The following RBFOX1 variants were observed in gnomAD, a reference collection of about 807,000 sequenced individuals.
RBFOX1 encodes the protein RNA binding fox-1 homolog 1, also known as RNA binding protein fox-1 homolog 1.
A neutral mutation model predicts 57.7 loss-of-function variants in RBFOX1; 8 were observed. The observed-to-expected ratio is 0.14, with a 90% CI of 0.08 to 0.25. RBFOX1 has a LOEUF of 0.25. Among genes scored for constraint, RBFOX1 ranks in the 10% least tolerant of loss-of-function variants. RBFOX1 has a pLI of 1.00. For missense variants in RBFOX1, 611 were observed against 548.5 expected (o/e 1.11, Z -1.14); for synonymous variants, 326 against 222.4 (o/e 1.47, Z -4.15).
At chr16:6,500,631 A>G (rs1028918167) in intron 2 of RBFOX1, among the ~76,000 whole-genome samples, 6 of 152,292 alleles carry the variant, frequency 3.9e-5, no homozygotes, top group African/African-American at 1.2e-4. Context: ...AGGCAATTGA[A>G]GTACATGGAC....
At chr16:6,581,279 A>C (rs899675335) in intron 2 of RBFOX1, among the ~76,000 whole-genome samples, 4 of 152,182 alleles carry the variant, frequency 2.6e-5, no homozygotes, top group South Asian at 2.1e-4. Context: ...TCTCCTGCAC[A>C]GGGTTCTGTG....
At chr16:6,159,898 C>A (rs538528449) in intron 1 of RBFOX1, among the ~76,000 whole-genome samples, 45 of 152,108 alleles carry the variant, frequency 3.0e-4, no homozygotes, top group Non-Finnish European at 5.4e-4. Context: ...TAAATTTGTG[C>A]TGCTCTTTTC....
At chr16:7,545,782 C>G (rs976434403) in intron 5 of RBFOX1, among the ~76,000 whole-genome samples, 1 of 152,092 alleles carries the variant, frequency 6.6e-6, no homozygotes, top group Non-Finnish European at 1.5e-5. Context: ...AAAACGTGGT[C>G]TTGGGTCTCA....
chr16:6,251,298 A>G (rs572226382), intron 1 of RBFOX1, among the ~76,000 whole-genome samples: 7 of 152,226 alleles, frequency 4.6e-5, no homozygotes, highest in Admixed American at 3.9e-4. Flanking sequence ...AGCACCCTTG[A>G]TATTAAACTG....
chr16:5,263,042 G>C (rs1234174216), intron 1 of RBFOX1, among the ~76,000 whole-genome samples: 1 of 151,810 alleles, frequency 6.6e-6, no homozygotes, highest in Non-Finnish European at 1.5e-5. Context: ...CTCCACTGAA[G>C]AGACGGTTTT....
At chr16:6,253,738 G>A (rs1188623801) in intron 1 of RBFOX1, among the ~76,000 whole-genome samples, 2 of 150,478 alleles carry the variant, frequency 1.3e-5, no homozygotes, top group Admixed American at 6.7e-5. Context: ...ATATATACCT[G>A]TATCCATATC....
chr16:6,813,303 A>G (rs1188693932), intron 3 of RBFOX1, among the ~76,000 whole-genome samples: 2 of 152,040 alleles, frequency 1.3e-5, no homozygotes, highest in African/African-American at 2.4e-5. Context: ...CCATGAAACA[A>G]CCCTCTTCGT....
intron 2 of RBFOX1, among the ~76,000 whole-genome samples, chr16:6,469,141 G>A (rs149788597): frequency 3.9e-5 from 6 of 152,164 alleles, no homozygotes; most frequent in African/African-American, 1.4e-4. Flanking sequence ...TTGGAGTTCT[G>A]TCAAAAGAAT....
chr16:7,142,618 C>T (rs922002340), intron 4 of RBFOX1, among the ~76,000 whole-genome samples: 1 of 152,140 alleles, frequency 6.6e-6, no homozygotes, highest in African/African-American at 2.4e-5. Context: ...TACTCATCTT[C>T]TGGACTGTCA....
At chr16:6,671,646 C>T (rs1328483879) in intron 3 of RBFOX1, among the ~76,000 whole-genome samples, 3 of 152,136 alleles carry the variant, frequency 2.0e-5, no homozygotes, top group African/African-American at 4.8e-5. Flanking sequence ...CCCCAAAGTC[C>T]GTTCTATCAT....
chr16:6,050,375 T>C (rs1003986929), intron 1 of RBFOX1, among the ~76,000 whole-genome samples: 23 of 152,234 alleles, frequency 1.5e-4, no homozygotes, highest in African/African-American at 5.5e-4. Context: ...TGTCCTGCAG[T>C]ATTTCTCACA....
At chr16:5,470,342 T>G (rs2069092806) in intron 2 of RBFOX1, among the ~76,000 whole-genome samples, 2 of 152,220 alleles carry the variant, frequency 1.3e-5, no homozygotes, top group Admixed American at 1.3e-4. Flanking sequence ...TGTCTATTCC[T>G]GGTCCCTGGT....
chr16:6,808,056 A>G (rs2087351375), intron 3 of RBFOX1, among the ~76,000 whole-genome samples: 2 of 150,688 alleles, frequency 1.3e-5, no homozygotes. Flanking sequence ...ACTATCCTAT[A>G]CAATAGAACT....
chr16:6,918,149 A>G (rs1423774761), intron 3 of RBFOX1, among the ~76,000 whole-genome samples: 2 of 151,932 alleles, frequency 1.3e-5, no homozygotes, highest in Admixed American at 6.6e-5. Flanking sequence ...TTAGCTGGGT[A>G]TGCTAGCCTG....
intron 1 of RBFOX1, among the ~76,000 whole-genome samples, chr16:6,121,610 A>G (rs2096550110): frequency 6.6e-6 from 1 of 152,054 alleles, no homozygotes; most frequent in South Asian, 2.1e-4. Flanking sequence ...ATTCCTGCTC[A>G]TCCTTCTGAG....
chr16:5,683,271 T>C (rs916932141), intron 3 of RBFOX1, among the ~76,000 whole-genome samples: 2 of 152,160 alleles, frequency 1.3e-5, no homozygotes, highest in African/African-American at 2.4e-5. Context: ...CAAGAGATTC[T>C]GACTTCCTTG....
Position 7,047,560 on chromosome 16 carries a change from C to T in RBFOX1, c.-15-4497C>T, listed in dbSNP as rs539009410. Among the ~76,000 whole-genome samples, 61 of 151,206 alleles carry T rather than the reference C, an allele frequency of 4.0e-4. No homozygotes were observed. The South Asian group carries it at 0.013, about 31-fold the overall frequency. Reference sequence around the variant, plus strand: ...TCGTTGATTTTAACTCTTTTAGTTCCTTGAAATTGTTTATATCTTTTGTCA... The same window carrying T: ...TCGTTGATTTTAACTCTTTTAGTTCTTTGAAATTGTTTATATCTTTTGTCA... On this transcript the variant is annotated intron_variant, in intron 3 of 15. Coordinates refer to ENST00000550418, the MANE Select transcript of RBFOX1 (RefSeq NM_018723.4).
chr16:5,714,508 A>T (rs1253715935), intron 3 of RBFOX1, among the ~76,000 whole-genome samples: 1 of 152,212 alleles, frequency 6.6e-6, no homozygotes, highest in African/African-American at 2.4e-5. Context: ...GCATAGGCAG[A>T]GGTATCTGGC....
chr16:5,945,917 T>A (rs2059391548), intron 4 of RBFOX1, among the ~76,000 whole-genome samples: 1 of 152,132 alleles, frequency 6.6e-6, no homozygotes, highest in Non-Finnish European at 1.5e-5. Context: ...CTCCATGCCA[T>A]GGGCGAGAGA....
Sources: allele counts gnomAD v4.1 joint callset (sites outside exome capture counted in the v4.1 genomes callset), GRCh38; gene constraint gnomAD v4.1.1; transcripts MANE v1.5; gene names NCBI Gene and HGNC (gene_info 2026-07-23, HGNC 2026-07-21).